ADGRL2: variants seen among roughly 807,000 people sequenced by gnomAD.
The protein encoded by ADGRL2 is adhesion G protein-coupled receptor L2.
A neutral mutation model predicts 157.4 loss-of-function variants in ADGRL2; 44 were observed. The observed-to-expected ratio is 0.28, with a 90% confidence interval of 0.22 to 0.36. The LOEUF is 0.36. ADGRL2 is among the 10% of genes least tolerant of loss of function. The probability of loss-of-function intolerance (pLI) is 1.00; values close to 1 mark genes in which losing one functional copy is unlikely to be tolerated. For missense variants in ADGRL2, 1,510 were observed against 1,768.9 expected, an observed-to-expected ratio of 0.85 and a Z score of 2.63; for synonymous variants, 585 against 624.7, an observed-to-expected ratio of 0.94 and a Z score of 0.95.
In ADGRL2 at chr1:81,748,778, C is replaced by T. The variant is rs1365843704; in HGVS notation, c.-142-13033C>T. ...CACCTCCCGGGTTCAAACGATTTTC[C>T]TGCCTTAGCCTCCCAAGTAACTGGG... is the stretch of plus-strand genomic sequence containing the variant. On this transcript the variant is annotated intron_variant, in intron 1 of 20. Transcript: ENST00000359929. Among the ~76,000 whole-genome samples, 11 of 152,066 alleles carry T rather than the reference C, an allele frequency of 7.2e-5. 1 individual carries two copies. The South Asian group carries it at 1.5e-3, about 20-fold the overall frequency.
intron 3 of ADGRL2, among the ~76,000 whole-genome samples, chr1:81,652,628 C>T (rs2082444157): frequency 2.0e-5 from 3 of 152,084 alleles, no homozygotes; most frequent in South Asian, 2.1e-4. Flanking sequence ...CAAATAAGGT[C>T]ATAGTAACAA....
intron 2 of ADGRL2, among the ~76,000 whole-genome samples, chr1:81,548,011 G>T (rs527749288): frequency 6.6e-6 from 1 of 152,118 alleles, no homozygotes; most frequent in Non-Finnish European, 1.5e-5. Context: ...CATTTTCAGC[G>T]TAGAAAATCA....
chr1:81,636,140 T>G (rs1284805074), intron 3 of ADGRL2, among the ~76,000 whole-genome samples: 1 of 152,166 alleles, frequency 6.6e-6, no homozygotes, highest in Non-Finnish European at 1.5e-5. Flanking sequence ...GTGGGGTACA[T>G]GTACTCCTCC....
chr1:81,955,687 G>A (rs1463606147), intron 10 of ADGRL2, 190 bp from the exon 11 acceptor site: 25 of 427,986 alleles, frequency 5.8e-5, no homozygotes, highest in South Asian at 2.0e-4. Context: ...TCTTCAGTCA[G>A]TCCTGTTTTA....
chr1:81,788,959 AC>A (rs1322081286), intron 2 of ADGRL2, among the ~76,000 whole-genome samples: 3 of 152,064 alleles, frequency 2.0e-5, no homozygotes, highest in East Asian at 3.9e-4. Flanking sequence ...CTCGTGATCC[AC>A]CCGCCTTGGC....
intron 3 of ADGRL2, among the ~76,000 whole-genome samples, chr1:81,918,890 C>T (rs626085): frequency 0.61 from 92,708 of 151,916 alleles, 29,193 homozygotes; most frequent in East Asian, 0.92. Context: ...CTTGTGATTT[C>T]TTTTTCTAAA....
Position 81,906,953 on chromosome 1 carries a change from T to G in ADGRL2, c.74-64T>G. ...CATGAATCATATTACTTGAAAATGC[T>G]TTACTAAAATAATTTATCTTATAAA... On this transcript the variant is annotated intron_variant, in intron 2 of 23. Coordinates refer to ENST00000686636, the MANE Select transcript of ADGRL2 (RefSeq NM_001366006.2). 1.5e-6 allele frequency: 2 copies of G among 1,291,130 alleles called. 1 individual carries two copies. The highest frequency in any genetic ancestry group is 2.5e-5 in the South Asian group (2 of 78,652). 80.0% of individuals were successfully genotyped at this position (1,291,130 alleles called of 1,614,324 possible).
At chr1:81,861,450 A>G (rs2093384696) in intron 2 of ADGRL2, among the ~76,000 whole-genome samples, 1 of 152,252 alleles carries the variant, frequency 6.6e-6, no homozygotes. Flanking sequence ...AAGAGATGTC[A>G]GAATATCATG....
chr1:81,818,115 AGCTACAATCTT>A (rs941137240), intron 1 of ADGRL2, among the ~76,000 whole-genome samples: 32 of 152,214 alleles, frequency 2.1e-4, no homozygotes, highest in African/African-American at 7.7e-4. Flanking sequence ...GGCTGCATTG[AGCTACAATCTT>A]GCTACTACAC....
chr1:81,733,268 T>C lies in ADGRL2; in HGVS notation c.-142-28543T>C, dbSNP rs148775381. Among the ~76,000 whole-genome samples, 11 of 152,316 alleles carry C rather than the reference T, an allele frequency of 7.2e-5. No homozygotes were observed. In the East Asian group the frequency reaches 9.7e-4, roughly 13 times the overall value. ...CTAAAGAAAGCAGACCAATCATTAA[T>C]TGTATGTGTCGTATTAGTTTGCTAG... On this transcript the variant is annotated intron_variant, in intron 1 of 20. Transcript: ENST00000359929.
chr1:81,444,600 C>G (rs531953083), intron 1 of ADGRL2, among the ~76,000 whole-genome samples: 1 of 152,112 alleles, frequency 6.6e-6, no homozygotes, highest in Non-Finnish European at 1.5e-5. Context: ...AACAGGGTTC[C>G]GAAGAATGGT....
At chr1:81,369,280 G>C (rs1407868427) in intron 1 of ADGRL2, among the ~76,000 whole-genome samples, 1 of 152,080 alleles carries the variant, frequency 6.6e-6, no homozygotes, top group Non-Finnish European at 1.5e-5. Context: ...TCATAGCATA[G>C]AACCCAGCAG....
chr1:81,308,990 C>T (rs1659541846), intron 1 of ADGRL2, among the ~76,000 whole-genome samples: 1 of 152,092 alleles, frequency 6.6e-6, no homozygotes, highest in Admixed American at 6.6e-5. Flanking sequence ...TTGTTATTCC[C>T]ACCTGGCTCT....
At position 81,969,269 on chromosome 1, in the gene ADGRL2, CCTT is replaced by C; in HGVS notation, c.2618_2620del (p.Phe873del). 6.2e-7 allele frequency: 1 copy of C among 1,614,044 alleles called. No individual in the cohort carries two copies. Among genetic ancestry groups the C allele is most frequent in the South Asian group, 1.1e-5 (1 of 91,082 alleles). On this transcript the variant is annotated inframe_deletion, in exon 15 of 24. Transcript: ENST00000686636. Reference sequence around the variant, plus strand: ...GTTTGCCTGGCTATCTGCATCTTCACCTTCTGCTTTTTCCGTGGCCTACAGAGT... The same window carrying C: ...GTTTGCCTGGCTATCTGCATCTTCACCTGCTTTTTCCGTGGCCTACAGAGT...
At chr1:81,508,336 A>G (rs1187957363) in intron 2 of ADGRL2, among the ~76,000 whole-genome samples, 1 of 152,154 alleles carries the variant, frequency 6.6e-6, no homozygotes, top group African/African-American at 2.4e-5. Context: ...GTTGCCTTAT[A>G]TTTTAGTTAC....
intron 1 of ADGRL2, among the ~76,000 whole-genome samples, chr1:81,342,012 AACTG>A (rs1662108444): frequency 6.6e-6 from 1 of 152,156 alleles, no homozygotes; most frequent in Non-Finnish European, 1.5e-5. Flanking sequence ...CAGACTGTGA[AACTG>A]ACTGTGTCTG....
intron 2 of ADGRL2, chr1:81,502,754 G>A (rs960665363): frequency 4.6e-5 from 75 of 1,613,564 alleles, no homozygotes; most frequent in Non-Finnish European, 5.8e-5. Context: ...GATGGCAACC[G>A]CAGGGAGAGC....
chr1:81,581,197 G>T (rs539435878), intron 3 of ADGRL2, among the ~76,000 whole-genome samples: 5 of 152,180 alleles, frequency 3.3e-5, no homozygotes, highest in Middle Eastern at 3.4e-3. Flanking sequence ...TACAAATAAG[G>T]TCAGCTTTGC....
chr1:81,362,113 C>T (rs1462748747), intron 1 of ADGRL2, among the ~76,000 whole-genome samples: 1 of 151,934 alleles, frequency 6.6e-6, no homozygotes, highest in Non-Finnish European at 1.5e-5. Context: ...ATTTGGCCCT[C>T]CATGGGATTG....
Sources: gnomAD v4.1 joint callset for allele counts (sites outside exome capture counted in the v4.1 genomes callset) on GRCh38, gnomAD v4.1.1 for gene constraint, MANE v1.5 for transcripts, NCBI Gene and HGNC (gene_info 2026-07-23, HGNC 2026-07-21) for gene names.